SATB1: variants seen among roughly 807,000 people sequenced by gnomAD.
SATB1 encodes SATB homeobox 1.
A neutral mutation model predicts 86.9 loss-of-function variants in SATB1; 11 were observed. That is an observed-to-expected ratio of 0.13 (90% confidence interval 0.08 to 0.21). SATB1 has a LOEUF of 0.21. SATB1 is among the 10% of genes least tolerant of loss of function. The pLI is 1.00. For synonymous variants in SATB1, 357 were observed against 357.2 expected, an observed-to-expected ratio of 1.00 and a Z score of 0.01; for missense variants, 551 against 937.6, an observed-to-expected ratio of 0.59 and a Z score of 5.39.
intron 9 of SATB1, among the ~76,000 whole-genome samples, chr3:18,368,801 T>C (rs1274530860): frequency 2.0e-5 from 3 of 152,194 alleles, no homozygotes; most frequent in Non-Finnish European, 4.4e-5. Flanking sequence ...TAAAGTGGAT[T>C]GTTGTGATCT....
At position 18,386,866 on chromosome 3, in the gene SATB1, A is replaced by G. The variant is rs1467983018; in HGVS notation, c.1207-255T>C. On this transcript the variant is annotated intron_variant, in intron 7 of 10. Coordinates refer to ENST00000338745, the MANE Select transcript of SATB1 (RefSeq NM_002971.6). The surrounding 1 kb of genome is among the most constrained non-coding windows in gnomAD (Gnocchi z 4.5). ...TGGTCTCCTTCCTTTGAGTAGCTTA[A>G]CTTGCCATGAAATCTTTCACAGAGA... is the stretch of plus-strand genomic sequence containing the variant. Among the ~76,000 whole-genome samples the G allele has an allele frequency of 6.6e-6, 1 of 152,212 alleles. No individual in the cohort carries two copies. The highest frequency in any genetic ancestry group is 1.5e-5 in the Non-Finnish European group (1 of 68,040).
intron 5 of SATB1, among the ~76,000 whole-genome samples, chr3:18,403,942 A>G (rs1043069514): frequency 1.3e-5 from 2 of 152,014 alleles, no homozygotes; most frequent in African/African-American, 4.8e-5. Context: ...GATTTTTTAC[A>G]GCAGCTTTTT....
In SATB1 at chr3:18,397,310, G is replaced by A. The variant is rs773331307; in HGVS notation, c.640-20C>T. ...CATACTCTGCATGAAGAAGGGGGGA[G>A]AATATTTGTAATACACAGCAGCACA... On this transcript the variant is annotated intron_variant, in intron 5 of 10. Transcript: ENST00000338745. 4 of 1,340,790 alleles carry A rather than the reference G, an allele frequency of 3.0e-6. No individual in the cohort carries two copies. The highest frequency in any genetic ancestry group is 4.3e-6 in the Non-Finnish European group (4 of 931,714). The allele number at this position is 1,340,790 out of a possible 1,614,324, so 83.1% of individuals were successfully genotyped here.
chr3:18,358,776 TTAC>T (rs1694775887), intron 9 of SATB1, among the ~76,000 whole-genome samples: 1 of 152,048 alleles, frequency 6.6e-6, no homozygotes, highest in Admixed American at 6.6e-5. Flanking sequence ...TTTTTAAATG[TTAC>T]TATTCTTAAC....
chr3:18,374,223 T>C (rs1695623462), intron 9 of SATB1, among the ~76,000 whole-genome samples: 3 of 152,190 alleles, frequency 2.0e-5, no homozygotes, highest in Non-Finnish European at 4.4e-5. Flanking sequence ...GGGTTTGCTG[T>C]GGAATAAAAT....
intron 2 of SATB1, chr3:18,417,513 A>C (rs1261772502): frequency 1.6e-6 from 1 of 606,366 alleles, no homozygotes; most frequent in African/African-American, 1.9e-5. Context: ...TGTTAATAAT[A>C]AACTTTTCCT....
intron 5 of SATB1, among the ~76,000 whole-genome samples, chr3:18,401,193 C>T (rs1697247935): frequency 6.6e-6 from 1 of 152,186 alleles, no homozygotes; most frequent in South Asian, 2.1e-4. Flanking sequence ...CTGGACTCAT[C>T]AGAGGGCTGG....
In SATB1 at chr3:18,346,834, A is replaced by G. The variant is rs1337474674; in HGVS notation, c.*2336T>C. 6.6e-6 allele frequency: 1 copy of G among 152,168 alleles called. No individual in the cohort carries two copies. Among genetic ancestry groups the G allele is most frequent in the Non-Finnish European group, 1.5e-5 (1 of 68,002 alleles). 9.4% of individuals were successfully genotyped at this position (152,168 alleles called of 1,614,324 possible). On this transcript the variant is annotated 3_prime_UTR_variant, in exon 11 of 11. Transcript: ENST00000338745. ...ATATAAGGAAGAGGAAGATAACTTC[A>G]TGGCATTTGAGTTTCTATTTTATTT... is the stretch of plus-strand genomic sequence containing the variant.
chr3:18,408,248 C>T (rs922700605), intron 5 of SATB1, among the ~76,000 whole-genome samples: 19 of 151,962 alleles, frequency 1.3e-4, no homozygotes, highest in Admixed American at 1.1e-3. Context: ...AAGAAGTCAG[C>T]CACCTTCTCT....
At chr3:18,367,717 C>T (rs1299442864) in intron 9 of SATB1, among the ~76,000 whole-genome samples, 12 of 152,182 alleles carry the variant, frequency 7.9e-5, no homozygotes, top group East Asian at 1.9e-4. Flanking sequence ...GCATCCCTAA[C>T]GAAGCAACTT....
chr3:18,391,514 G>C (rs1050851300), intron 7 of SATB1, among the ~76,000 whole-genome samples: 3 of 144,444 alleles, frequency 2.1e-5, no homozygotes, highest in Admixed American at 2.1e-4. Flanking sequence ...ATCTCCCAAT[G>C]CTATCCCTCC....
chr3:18,410,941 T>C lies in SATB1; in HGVS notation c.639+4170A>G, dbSNP rs1575157074. The C allele has an allele frequency of 1.5e-5, 6 of 393,472 alleles. No individual in the cohort carries two copies. The East Asian group carries it at 2.2e-4, about 14-fold the overall frequency. 24.4% of individuals were successfully genotyped at this position (393,472 alleles called of 1,614,324 possible). On this transcript the variant is annotated intron_variant, in intron 5 of 10. Coordinates refer to ENST00000338745, the MANE Select transcript of SATB1 (RefSeq NM_002971.6). ...TTAATTCCTACGGAAATGACTGTCA[T>C]GTTTCAGGAGAGCAGTACTGAAGCT...
chr3:18,394,599 T>C lies in SATB1; in HGVS notation c.1069A>G (p.Met357Val), dbSNP rs772445470. Residue 357 changes from methionine (M) to valine (V), a missense_variant, in exon 7 of 11, where the codon ATG (methionine) becomes GTG (valine). This residue lies in a region of SATB1 where 119 missense variants were observed against 171.1 expected (regional missense o/e 0.70). Transcript: ENST00000338745. This position sits in a 1 kb window ranked among gnomAD's most constrained non-coding sequence, Gnocchi z 5.9. ...LNHPPPVSRS[M>V]NKPLEQQVST... ...ACCTGTTGCTCCAAAGGCTTATTCA[T>C]AGATCTACTGACAGGGGGAGGGTGG... The C allele has an allele frequency of 5.1e-5, 82 of 1,614,084 alleles. No homozygotes were observed. Among genetic ancestry groups the C allele is most frequent in the Non-Finnish European group, 6.9e-5 (81 of 1,180,052 alleles).
At chr3:18,396,286 A>T (rs1696961426) in intron 6 of SATB1, among the ~76,000 whole-genome samples, 1 of 152,034 alleles carries the variant, frequency 6.6e-6, no homozygotes. Flanking sequence ...TTCTTAAAAA[A>T]TTAAAAAAAA....
upstream of SATB1, among the ~76,000 whole-genome samples, chr3:18,426,192 A>G (rs1054940345): frequency 9.2e-5 from 14 of 152,212 alleles, no homozygotes; most frequent in Non-Finnish European, 1.6e-4. The surrounding 1 kb of genome is among the most constrained non-coding windows in gnomAD (Gnocchi z 4.2). Flanking sequence ...TCCTCTAAGG[A>G]GGGTGGTCCT....
intron 4 of SATB1, 93 bp downstream of exon 4, chr3:18,415,912 TAA>T: frequency 8.3e-7 from 1 of 1,200,694 alleles, no homozygotes; most frequent in Non-Finnish European, 1.2e-6. Flanking sequence ...AAACACAGAC[TAA>T]AAAAAAATTG....
chr3:18,374,521 T>C (rs1695643165), intron 9 of SATB1, among the ~76,000 whole-genome samples: 1 of 152,202 alleles, frequency 6.6e-6, no homozygotes, highest in Non-Finnish European at 1.5e-5. Context: ...ACATTATGTT[T>C]AAAGCATATC....
chr3:18,363,426 CA>C (rs1392346523), intron 9 of SATB1, among the ~76,000 whole-genome samples: 1 of 152,108 alleles, frequency 6.6e-6, no homozygotes, highest in Non-Finnish European at 1.5e-5. Context: ...GTCTCAGTGA[CA>C]ATGGCCGGGT....
chr3:18,349,236 T>C lies in SATB1; in HGVS notation c.2226A>G (p.Ser742=), dbSNP rs1339552388. Residue 742 remains serine, a synonymous_variant, in exon 11 of 11, where the codon TCA becomes TCG. Transcript: ENST00000338745. This position sits in a 1 kb window ranked among gnomAD's most constrained non-coding sequence, Gnocchi z 5.5. ...CTGACAGCTCTTCTTCTAGTTTCAC[T>C]GAAAAAAGGGTGTTAGTATTTTTAT... The part of the protein sequence containing the change: ...VQDKNTNTLF[S]VKLEEELSVE... 2.5e-6 allele frequency: 4 copies of C among 1,614,066 alleles called. No individual in the cohort carries two copies. In the African/African-American group the frequency reaches 5.3e-5, roughly 22 times the overall value.
Sources: allele counts gnomAD v4.1 joint callset (sites outside exome capture counted in the v4.1 genomes callset), GRCh38; gene constraint gnomAD v4.1.1; regional missense constraint gnomAD v4.1.1; non-coding constraint Gnocchi (gnomAD v3.1); transcripts MANE v1.5; gene names NCBI Gene and HGNC (gene_info 2026-07-23, HGNC 2026-07-21).